Variants in MSANTD7 observed in about 807,000 individuals in gnomAD.
MSANTD7 encodes Myb/SANT DNA binding domain containing 7, also known as zinc finger and SCAN domain containing 29.
chr10:14,838,640 C>G, the MSANTD7 span: 1 of 586,998 alleles, frequency 1.7e-6, no homozygotes, highest in South Asian at 2.2e-5. Context: ...GGCGATTCCT[C>G]CGGAAAGTCG....
chr10:14,846,231 G>A, the MSANTD7 span: 1 of 985,090 alleles, frequency 1.0e-6, no homozygotes, highest in Non-Finnish European at 1.2e-6. Context: ...TTATAGGTAG[G>A]TAGGTAGGTA....
the MSANTD7 span, chr10:14,840,258 T>A: frequency 1.9e-6 from 1 of 514,630 alleles, no homozygotes; most frequent in Non-Finnish European, 3.1e-6. Context: ...GTTTGTTTCT[T>A]CATTGCTTTT....
At chr10:14,839,240 G>C in the MSANTD7 span, among the ~76,000 whole-genome samples, 1 of 152,224 alleles carries the variant, frequency 6.6e-6, no homozygotes, top group East Asian at 1.9e-4. Flanking sequence ...TGACTTGTTA[G>C]GAAAAGCCAA....
the MSANTD7 span, chr10:14,844,803 T>C: frequency 2.0e-6 from 2 of 985,342 alleles, no homozygotes; most frequent in African/African-American, 3.5e-5. Flanking sequence ...TCGGTTGCCA[T>C]TGGAACATTG....
chr10:14,845,638 G>C, the MSANTD7 span: 3 of 694,466 alleles, frequency 4.3e-6, no homozygotes, highest in Non-Finnish European at 5.3e-6. Context: ...GTTTTGCCCA[G>C]GCTGGGGTGC....
chr10:14,843,404 C>G, the MSANTD7 span: 1 of 1,550,882 alleles, frequency 6.4e-7, no homozygotes, highest in South Asian at 1.2e-5. Context: ...TACAGCAGCT[C>G]CCACAGCCTT....
the MSANTD7 span, chr10:14,838,371 C>A: frequency 6.3e-7 from 1 of 1,582,824 alleles, no homozygotes; most frequent in African/African-American, 1.3e-5. Context: ...GGGGGACCCC[C>A]TCATTCCTGC....
At chr10:14,842,443 G>A in the MSANTD7 span, 1 of 1,536,160 alleles carries the variant, frequency 6.5e-7, no homozygotes, top group African/African-American at 1.4e-5. This position sits in a 1 kb window ranked among gnomAD's most constrained non-coding sequence, Gnocchi z 5.2. Context: ...TGCAGCAGGA[G>A]GGCTTCCGCC....
At chr10:14,840,172 G>T in the MSANTD7 span, 3 of 1,264,120 alleles carry the variant, frequency 2.4e-6, no homozygotes, top group South Asian at 1.8e-5. Context: ...GGAATCAAAT[G>T]ATACTTTTAA....
the MSANTD7 span, chr10:14,839,851 G>T: frequency 1.3e-5 from 17 of 1,324,812 alleles, no homozygotes; most frequent in Admixed American, 1.8e-5. Context: ...GTGCACAAAT[G>T]CACACGTCTG....
the MSANTD7 span, chr10:14,844,220 A>C: frequency 1.8e-6 from 2 of 1,101,166 alleles, no homozygotes; most frequent in Non-Finnish European, 2.3e-6. Flanking sequence ...ATCAATAATA[A>C]CTCCTGCCCT....
At chr10:14,841,826 T>C in the MSANTD7 span, among the ~76,000 whole-genome samples, 3 of 152,206 alleles carry the variant, frequency 2.0e-5, no homozygotes, top group Non-Finnish European at 2.9e-5. Context: ...ATGCTTGGAC[T>C]CCTTTAGCGT....
At chr10:14,844,665 G>A in the MSANTD7 span, 43 of 980,278 alleles carry the variant, frequency 4.4e-5, 1 homozygote, top group African/African-American at 4.0e-4. Flanking sequence ...GCCATTGTGT[G>A]TTACGGTTTA....
At chr10:14,845,058 A>G in the MSANTD7 span, 1 of 985,442 alleles carries the variant, frequency 1.0e-6, no homozygotes, top group Non-Finnish European at 1.2e-6. Context: ...TGGTGTGGAT[A>G]AAGATTGCCT....
At chr10:14,839,955 A>G in the MSANTD7 span, 2 of 1,612,680 alleles carry the variant, frequency 1.2e-6, no homozygotes, top group Non-Finnish European at 8.5e-7. Context: ...GAGTTACTCC[A>G]GCTGTTGTTG....
chr10:14,840,589 C>T, the MSANTD7 span, among the ~76,000 whole-genome samples: 9 of 152,144 alleles, frequency 5.9e-5, no homozygotes, highest in African/African-American at 2.4e-5. Flanking sequence ...TTTCTGGGAA[C>T]GAACTTTTCC....
the MSANTD7 span, chr10:14,844,636 TAAG>T: frequency 1.1e-4 from 112 of 984,980 alleles, no homozygotes; most frequent in Admixed American, 2.1e-3. Context: ...TATAAGGAAA[TAAG>T]AAGTGCCAGG....
chr10:14,843,815 C>T, the MSANTD7 span: 2 of 1,536,382 alleles, frequency 1.3e-6, no homozygotes, highest in South Asian at 2.4e-5. Flanking sequence ...TTGGCAACAG[C>T]AGTGGAAGAG....
chr10:14,845,050 G>GT, the MSANTD7 span: 1 of 985,398 alleles, frequency 1.0e-6, no homozygotes, highest in Non-Finnish European at 1.2e-6. Context: ...CTAGAGGATG[G>GT]TGTGGATAAA....
Sources: allele counts gnomAD v4.1 joint callset (sites outside exome capture counted in the v4.1 genomes callset), GRCh38; gene constraint gnomAD v4.1.1; non-coding constraint Gnocchi (gnomAD v3.1); transcripts MANE v1.5; gene names NCBI Gene and HGNC (gene_info 2026-07-23, HGNC 2026-07-21).